Variants in VSTM4 observed in about 807,000 individuals in gnomAD.
VSTM4 encodes V-set and transmembrane domain containing 4, also known as V-set and transmembrane domain-containing protein 4.
VSTM4 carries 20 observed loss-of-function variants against 36.4 expected under a neutral mutation model. That is an observed-to-expected ratio of 0.55 (90% CI 0.39 to 0.80). The LOEUF (loss-of-function observed/expected upper bound fraction) is 0.80. VSTM4 is among the 30% of genes least tolerant of loss of function. The pLI is 0.00. For synonymous variants in VSTM4, 182 were observed against 173.9 expected (o/e 1.05, Z -0.37); for missense variants, 392 against 404.5 (o/e 0.97, Z 0.26).
chr10:49,045,849 C>T (rs115078304), intron 7 of VSTM4, among the ~76,000 whole-genome samples: 2,130 of 152,234 alleles, frequency 0.014, 44 homozygotes, highest in African/African-American at 0.049. Context: ...CCCCCAAATC[C>T]GTAACCCCAT....
At chr10:49,054,506 T>C (rs1843746124) in intron 5 of VSTM4, among the ~76,000 whole-genome samples, 1 of 152,160 alleles carries the variant, frequency 6.6e-6, no homozygotes, top group Admixed American at 6.5e-5. Context: ...GAAGGGGGCA[T>C]GTGCCTGGAA....
At chr10:49,036,827 G>A (rs1306764123) in intron 7 of VSTM4, among the ~76,000 whole-genome samples, 1 of 152,226 alleles carries the variant, frequency 6.6e-6, no homozygotes, top group Non-Finnish European at 1.5e-5. Flanking sequence ...TTTCAACAGC[G>A]CTATGGAGGA....
At chr10:49,064,800 A>G (rs959034239) in intron 4 of VSTM4, 64 bp from the exon 5 acceptor site, 2 of 1,546,790 alleles carry the variant, frequency 1.3e-6, no homozygotes, top group African/African-American at 2.8e-5. Context: ...ATGCTCCAGG[A>G]ATTACAAGGA....
chr10:49,061,402 T>G (rs918439136), intron 5 of VSTM4, among the ~76,000 whole-genome samples: 2 of 152,194 alleles, frequency 1.3e-5, no homozygotes, highest in Non-Finnish European at 2.9e-5. Context: ...GCACCATTGG[T>G]TGATTGTGTT....
chr10:49,031,612 C>T (rs1435514395), intron 7 of VSTM4, among the ~76,000 whole-genome samples: 2 of 152,240 alleles, frequency 1.3e-5, no homozygotes, highest in Non-Finnish European at 2.9e-5. Flanking sequence ...CAGGGCCAAA[C>T]ACATCTGGCT....
rs766992515 is a variant in VSTM4 at position 49,019,645 on chromosome 10, C to T, written c.*5G>A. ...TTAAATAGAACCTTGGAGGTGGACG[C>T]TGTACTACAGCTTGTTCTCCTCGAA... On this transcript the variant is annotated 3_prime_UTR_variant, in exon 8 of 8. Transcript: ENST00000332853. 6.2e-7 allele frequency: 1 copy of T among 1,604,742 alleles called. No homozygotes were observed. Among genetic ancestry groups the T allele is most frequent in the East Asian group, 2.2e-5 (1 of 44,606 alleles).
intron 4 of VSTM4, among the ~76,000 whole-genome samples, chr10:49,067,024 G>A (rs1043623768): frequency 2.6e-5 from 4 of 152,158 alleles, no homozygotes; most frequent in African/African-American, 9.7e-5. Flanking sequence ...ACTTGTTTGG[G>A]TAGGTACTTT....
At chr10:49,022,127 T>G (rs1458856277) in intron 7 of VSTM4, among the ~76,000 whole-genome samples, 2 of 152,152 alleles carry the variant, frequency 1.3e-5, no homozygotes, top group African/African-American at 4.8e-5. Context: ...ATTTATTTTT[T>G]TTTATTTAAC....
chr10:49,113,421 C>T (rs539257546), intron 1 of VSTM4, among the ~76,000 whole-genome samples: 50 of 152,254 alleles, frequency 3.3e-4, no homozygotes, highest in African/African-American at 1.1e-3. Flanking sequence ...TAATACCTGC[C>T]GGGTACAAAC....
At chr10:49,062,501 G>T (rs1452177833) in intron 5 of VSTM4, among the ~76,000 whole-genome samples, 1 of 152,118 alleles carries the variant, frequency 6.6e-6, no homozygotes, top group Non-Finnish European at 1.5e-5. Flanking sequence ...ATTTCCTTCT[G>T]CCCTTCATGG....
rs151148550 is a variant in VSTM4 at position 49,019,683 on chromosome 10, G to A, written c.930C>T (p.Tyr310=). 204 of 1,613,988 alleles carry A rather than the reference G, an allele frequency of 1.3e-4. No homozygotes were observed. The highest frequency in any genetic ancestry group is 3.3e-4 in the Middle Eastern group (2 of 6,000). Residue 310 remains tyrosine, a synonymous_variant, in exon 8 of 8, where the codon TAC becomes TAT. Transcript: ENST00000332853. The part of the protein sequence containing the change: ...AAKGAPTSTV[Y]AQILFEENKL ...TGTTCTCCTCGAAGAGGATCTGGGC[G>A]TAGACAGTGCTGGTGGGGGCGCCTT...
intron 5 of VSTM4, among the ~76,000 whole-genome samples, chr10:49,055,464 G>C (rs1297122126): frequency 6.6e-6 from 1 of 152,186 alleles, no homozygotes; most frequent in East Asian, 1.9e-4. Flanking sequence ...TCTTGAAGGA[G>C]GGGCATTGGT....
intron 7 of VSTM4, among the ~76,000 whole-genome samples, chr10:49,022,329 G>A (rs1304609856): frequency 6.6e-6 from 1 of 151,986 alleles, no homozygotes; most frequent in Non-Finnish European, 1.5e-5. Flanking sequence ...CTATTTCCTG[G>A]TTATCTGGTG....
chr10:49,024,309 CA>C (rs1843224415), intron 7 of VSTM4, among the ~76,000 whole-genome samples: 1 of 152,258 alleles, frequency 6.6e-6, no homozygotes, highest in Non-Finnish European at 1.5e-5. Flanking sequence ...AGAAAACTAC[CA>C]GCCAGTGAGA....
Position 49,095,404 on chromosome 10 carries a change from G to A in VSTM4, c.458-9381C>T, listed in dbSNP as rs528133463. Among the ~76,000 whole-genome samples the A allele has an allele frequency of 4.6e-5, 7 of 152,268 alleles. No individual in the cohort carries two copies. The South Asian group carries it at 1.2e-3, about 27-fold the overall frequency. On this transcript the variant is annotated intron_variant, in intron 2 of 7. Transcript: ENST00000332853. ...CATGCACCACATAACATGTGAGGGT[G>A]CATTTCGGAAGGCCCCGGCAGGGTC...
chr10:49,111,737 AAAC>A (rs947784834), intron 1 of VSTM4, among the ~76,000 whole-genome samples: 2 of 152,196 alleles, frequency 1.3e-5, no homozygotes, highest in African/African-American at 4.8e-5. Context: ...GTGAAGAAGA[AAAC>A]AACATTCCTG....
chr10:49,092,460 C>T (rs6537495), intron 2 of VSTM4, among the ~76,000 whole-genome samples: 4 of 152,232 alleles, frequency 2.6e-5, no homozygotes, highest in Non-Finnish European at 5.9e-5. Flanking sequence ...TAAACCAATG[C>T]CTCTTCTATT....
intron 7 of VSTM4, among the ~76,000 whole-genome samples, chr10:49,031,812 C>T (rs532078554): frequency 1.1e-3 from 166 of 152,260 alleles, no homozygotes; most frequent in African/African-American, 3.8e-3. Flanking sequence ...CCTCTGACCT[C>T]GGCTTGCTCC....
intron 1 of VSTM4, among the ~76,000 whole-genome samples, chr10:49,108,283 C>T (rs551504985): frequency 5.1e-4 from 77 of 152,330 alleles, no homozygotes; most frequent in African/African-American, 1.7e-3. Flanking sequence ...TAGTTGCTGA[C>T]GTTTAAAATT....
Sources: allele counts gnomAD v4.1 joint callset (sites outside exome capture counted in the v4.1 genomes callset), GRCh38; gene constraint gnomAD v4.1.1; transcripts MANE v1.5; gene names NCBI Gene and HGNC (gene_info 2026-07-23, HGNC 2026-07-21).